The following KCNS3 variants were observed in gnomAD, a reference collection of about 807,000 sequenced individuals.
KCNS3 encodes the protein potassium voltage-gated channel modifier subfamily S member 3, also known as delayed-rectifier potassium channel regulatory subunit KCNS3.
In KCNS3, 13 loss-of-function variants were observed where a neutral mutation model predicts 31.0. That is an observed-to-expected ratio of 0.42 (90% CI 0.27 to 0.67). KCNS3 has a LOEUF of 0.67. KCNS3 is among the 30% of genes least tolerant of loss of function. The pLI, the probability that KCNS3 is intolerant of heterozygous loss-of-function variation, is 0.25. For missense variants in KCNS3, 545 were observed against 622.4 expected, an observed-to-expected ratio of 0.88 and a Z score of 1.32; for synonymous variants, 238 against 241.5, an observed-to-expected ratio of 0.99 and a Z score of 0.13.
At chr2:17,910,121 A>G (rs1662436596) in intron 1 of KCNS3, among the ~76,000 whole-genome samples, 1 of 152,240 alleles carries the variant, frequency 6.6e-6, no homozygotes, top group Non-Finnish European at 1.5e-5. Context: ...AAATGCAATT[A>G]CCAAAATAGT....
rs1346890703 is a variant in KCNS3 at position 17,931,069 on chromosome 2, G to A, written c.61G>A (p.Val21Met). The change falls in exon 3 of 3, where the codon GTG becomes ATG. Residue 21 changes from valine (V) to methionine (M), a missense_variant. Transcript: ENST00000304101. The surrounding 1 kb of genome is among the most constrained non-coding windows in gnomAD (Gnocchi z 5.4). ...GQDEELVNLN[V>M]GGFKQSVDQS... is the part of the protein sequence containing the mutation. ...AGACGAGGAACTTGTCAACCTGAAT[G>A]TGGGGGGCTTTAAGCAGTCTGTTGA... 1.2e-6 allele frequency: 2 copies of A among 1,613,976 alleles called. No homozygotes were observed. The highest frequency in any genetic ancestry group is 8.5e-7 in the Non-Finnish European group (1 of 1,180,006).
In KCNS3 at chr2:17,931,317, C is replaced by A. The variant is rs141345709; in HGVS notation, c.309C>A (p.Ile103=). The A allele has an allele frequency of 3.6e-5, 58 of 1,613,988 alleles. No homozygotes were observed. Among genetic ancestry groups the A allele is most frequent in the Middle Eastern group, 3.3e-4 (2 of 6,084 alleles). ...ELCVFSFCQE[I]EYWGINELFI... ...GCGTATTCTCATTCTGCCAGGAGAT[C>A]GAGTACTGGGGCATCAACGAGCTCT... The change falls in exon 3 of 3, where the codon ATC becomes ATA. Residue 103 remains isoleucine (I), a synonymous_variant. Coordinates refer to ENST00000304101, the MANE Select transcript of KCNS3 (RefSeq NM_002252.5). This position sits in a 1 kb window ranked among gnomAD's most constrained non-coding sequence, Gnocchi z 5.4.
At position 17,932,182 on chromosome 2, in the gene KCNS3, A is replaced by C; in HGVS notation, c.1174A>C (p.Ile392Leu). 1 of 1,613,400 alleles carries C rather than the reference A, an allele frequency of 6.2e-7. No individual in the cohort carries two copies. Among genetic ancestry groups the C allele is most frequent in the East Asian group, 2.2e-5 (1 of 44,836 alleles). The change falls in exon 3 of 3, where the codon ATC becomes CTC. Residue 392 changes from isoleucine (I) to leucine (L), a missense_variant. Ile to Leu is a conservative substitution (Grantham distance 5). Coordinates refer to ENST00000304101, the MANE Select transcript of KCNS3 (RefSeq NM_002252.5). ...AAAGCTCATCGCCAGCACATGCATC[A>C]TCTGTGGCATCTTGGTGGTGGCCCT... ...AGKLIASTCIICGILVVALPI... is the reference protein window; with the variant it reads ...AGKLIASTCILCGILVVALPI...
chr2:17,903,678 G>C (rs955937246), intron 1 of KCNS3, among the ~76,000 whole-genome samples: 7 of 149,354 alleles, frequency 4.7e-5, no homozygotes, highest in East Asian at 2.0e-4. Context: ...TCATTGTTCA[G>C]TTCCCACCTA....
chr2:17,907,828 C>A (rs573143322), intron 1 of KCNS3, among the ~76,000 whole-genome samples: 2 of 152,202 alleles, frequency 1.3e-5, no homozygotes, highest in Non-Finnish European at 2.9e-5. Flanking sequence ...CTAAGAGATC[C>A]GCTGTTAGTC....
intron 1 of KCNS3, among the ~76,000 whole-genome samples, chr2:17,888,755 T>A (rs1038548908): frequency 1.3e-5 from 2 of 150,448 alleles, no homozygotes; most frequent in African/African-American, 2.4e-5. Flanking sequence ...TGGGTTTATT[T>A]CTGGGTTCTC....
At chr2:17,924,233 ATTAG>A (rs1416006830) in intron 2 of KCNS3, among the ~76,000 whole-genome samples, 1 of 151,852 alleles carries the variant, frequency 6.6e-6, no homozygotes, top group Non-Finnish European at 1.5e-5. Flanking sequence ...GAACTTATTT[ATTAG>A]TTCTAATTTT....
At chr2:17,879,079 G>C (rs992347331) in intron 1 of KCNS3, among the ~76,000 whole-genome samples, 2 of 152,206 alleles carry the variant, frequency 1.3e-5, no homozygotes, top group South Asian at 2.1e-4. Flanking sequence ...TTGAAGCGGT[G>C]GCTGGGTTGA....
intron 2 of KCNS3, among the ~76,000 whole-genome samples, chr2:17,921,959 A>ATATG (rs1553345241): frequency 7.6e-6 from 1 of 131,744 alleles, no homozygotes; most frequent in African/African-American, 2.9e-5. Flanking sequence ...ATATATATAT[A>ATATG]AATACATATA....
intron 2 of KCNS3, among the ~76,000 whole-genome samples, chr2:17,918,783 A>G (rs1662647188): frequency 6.6e-6 from 1 of 152,266 alleles, no homozygotes; most frequent in African/African-American, 2.4e-5. Flanking sequence ...AGATAACATC[A>G]TAATGCCTTG....
At chr2:17,911,431 C>T (rs541848153) in intron 1 of KCNS3, among the ~76,000 whole-genome samples, 10 of 152,166 alleles carry the variant, frequency 6.6e-5, no homozygotes, top group Non-Finnish European at 1.3e-4. Context: ...ATCTCATTCC[C>T]CTTTTCCTCT....
chr2:17,914,765 G>C (rs911643447), intron 1 of KCNS3, among the ~76,000 whole-genome samples: 1 of 152,186 alleles, frequency 6.6e-6, no homozygotes, highest in African/African-American at 2.4e-5. Flanking sequence ...AAGATTGTGG[G>C]CAGGACAGTG....
rs530289929 is a variant in KCNS3 at position 17,904,093 on chromosome 2, A to G, written c.-251-13587A>G. 4.6e-5 allele frequency among the ~76,000 whole-genome samples: 7 copies of G among 152,186 alleles called. No homozygotes were observed. In the East Asian group the frequency reaches 9.7e-4, roughly 21 times the overall value. On this transcript the variant is annotated intron_variant, in intron 1 of 2. Transcript: ENST00000304101. The stretch of plus-strand genomic sequence containing the variant: ...CCACCAACAGTGTAAAAGTGTTCCT[A>G]TTTCTCCACATCCTCTCCAGCACCT...
At chr2:17,896,633 G>T (rs1325474889) in intron 1 of KCNS3, among the ~76,000 whole-genome samples, 2 of 151,890 alleles carry the variant, frequency 1.3e-5, no homozygotes, top group Admixed American at 1.3e-4. Context: ...ATTCCCTTTG[G>T]GTAATTATAC....
At chr2:17,893,154 C>T (rs1661899411) in intron 1 of KCNS3, among the ~76,000 whole-genome samples, 1 of 152,080 alleles carries the variant, frequency 6.6e-6, no homozygotes, top group African/African-American at 2.4e-5. Context: ...AGTTGTGTAC[C>T]TATGGCTGCC....
At chr2:17,905,566 T>C (rs1166582480) in intron 1 of KCNS3, among the ~76,000 whole-genome samples, 1 of 152,238 alleles carries the variant, frequency 6.6e-6, no homozygotes, top group Non-Finnish European at 1.5e-5. Context: ...CTTCCAGTTT[T>C]TGCCCATTCA....
chr2:17,900,731 C>A (rs536172329), intron 1 of KCNS3, among the ~76,000 whole-genome samples: 71 of 152,234 alleles, frequency 4.7e-4, no homozygotes, highest in Non-Finnish European at 8.7e-4. Context: ...TTCAGGTGAT[C>A]TGCCTGTCTC....
At chr2:17,883,356 A>C (rs975493413) in intron 1 of KCNS3, among the ~76,000 whole-genome samples, 1 of 109,166 alleles carries the variant, frequency 9.2e-6, no homozygotes, top group African/African-American at 3.6e-5. Flanking sequence ...GTACTATGCT[A>C]GGTGCTGGGT....
intron 2 of KCNS3, among the ~76,000 whole-genome samples, chr2:17,925,728 G>A (rs982158448): frequency 2.6e-5 from 4 of 152,150 alleles, no homozygotes; most frequent in Non-Finnish European, 5.9e-5. Flanking sequence ...TTACCAGGTC[G>A]CTCCCTTGAC....
Sources: gnomAD v4.1 joint callset for allele counts (sites outside exome capture counted in the v4.1 genomes callset) on GRCh38, gnomAD v4.1.1 for gene constraint, Gnocchi (gnomAD v3.1) non-coding constraint, MANE v1.5 for transcripts, NCBI Gene and HGNC (gene_info 2026-07-23, HGNC 2026-07-21) for gene names.